Variants in ASIC2 observed in about 807,000 individuals in gnomAD.
ASIC2 encodes acid-sensing ion channel 2.
A neutral mutation model predicts 57.3 loss-of-function variants in ASIC2; 25 were observed. The observed-to-expected ratio is 0.44, with a 90% CI of 0.32 to 0.61. ASIC2 has a LOEUF of 0.61. Among genes scored for constraint, ASIC2 ranks in the 20% least tolerant of loss-of-function variants. ASIC2 has a pLI of 0.06. For missense variants in ASIC2, 641 were observed against 738.1 expected, an observed-to-expected ratio of 0.87 and a Z score of 1.52; for synonymous variants, 319 against 307.5, an observed-to-expected ratio of 1.04 and a Z score of -0.39.
chr17:33,850,807 C>T (rs976066014), intron 1 of ASIC2, among the ~76,000 whole-genome samples: 6 of 151,798 alleles, frequency 4.0e-5, no homozygotes, highest in Middle Eastern at 3.4e-3. Context: ...TTAGGTCATT[C>T]GGTCACTTAA....
chr17:33,409,535 C>A (rs1158177996), intron 1 of ASIC2, among the ~76,000 whole-genome samples: 1 of 152,224 alleles, frequency 6.6e-6, no homozygotes, highest in African/African-American at 2.4e-5. Flanking sequence ...TGGCATCAGC[C>A]TTGTCTCAGT....
intron 1 of ASIC2, among the ~76,000 whole-genome samples, chr17:33,757,712 G>T (rs75950210): frequency 0.012 from 1,786 of 152,230 alleles, 35 homozygotes; most frequent in African/African-American, 0.039. Flanking sequence ...CTGCTCTCAG[G>T]ATCCACAGTT....
chr17:33,974,025 T>C (rs945273297), intron 1 of ASIC2, among the ~76,000 whole-genome samples: 2 of 152,174 alleles, frequency 1.3e-5, no homozygotes, highest in African/African-American at 4.8e-5. Flanking sequence ...ATTTCCTGCC[T>C]TTTTCCGTCC....
chr17:34,152,284 G>C (rs1904556369), intron 1 of ASIC2, among the ~76,000 whole-genome samples: 1 of 152,178 alleles, frequency 6.6e-6, no homozygotes, highest in Non-Finnish European at 1.5e-5. Flanking sequence ...AGTAGGTTAA[G>C]TATGAAACTG....
At position 33,170,708 on chromosome 17, in the gene ASIC2, T is replaced by C. The variant is rs138270390; in HGVS notation, c.709-58641A>G. 5.9e-5 allele frequency among the ~76,000 whole-genome samples: 9 copies of C among 152,306 alleles called. No individual in the cohort carries two copies. In the East Asian group the frequency reaches 1.7e-3, roughly 29 times the overall value. On this transcript the variant is annotated intron_variant, in intron 1 of 9. Coordinates refer to ENST00000225823, the MANE Select transcript of ASIC2 (RefSeq NM_183377.2). ...CAGCAGGACAGAGCATGAGAACTTC[T>C]TTCATCAAGGGCTTCAAAGATCTTA...
chr17:33,041,412 C>T (rs1295797347), intron 3 of ASIC2, among the ~76,000 whole-genome samples: 3 of 152,180 alleles, frequency 2.0e-5, no homozygotes, highest in Non-Finnish European at 4.4e-5. Context: ...TTGCCATCCT[C>T]CTCTCAGAAC....
chr17:33,573,899 C>T (rs1196332268), intron 1 of ASIC2, among the ~76,000 whole-genome samples: 2 of 152,212 alleles, frequency 1.3e-5, no homozygotes, highest in Non-Finnish European at 2.9e-5. Context: ...AGCAAAAGTA[C>T]TATCTTCAGA....
intron 1 of ASIC2, among the ~76,000 whole-genome samples, chr17:33,157,124 C>A (rs550263621): frequency 3.7e-4 from 56 of 152,156 alleles, no homozygotes; most frequent in African/African-American, 1.1e-3. Flanking sequence ...GGCAAAAAAA[C>A]CCCCAGCACT....
At chr17:34,082,816 A>G (rs2142080165) in intron 1 of ASIC2, among the ~76,000 whole-genome samples, 1 of 152,336 alleles carries the variant, frequency 6.6e-6, no homozygotes, top group South Asian at 2.1e-4. Flanking sequence ...GGTCACCGTG[A>G]TGGTAAAGTA....
At position 33,111,917 on chromosome 17, in the gene ASIC2, C is replaced by T; in HGVS notation, c.859G>A (p.Glu287Lys). 5.6e-6 allele frequency: 9 copies of T among 1,610,666 alleles called. No individual in the cohort carries two copies. The highest frequency in any genetic ancestry group is 6.8e-6 in the Non-Finnish European group (8 of 1,178,422). Reference sequence around the variant, plus strand: ...TGCCCGGTCCCTGTGCCCAGCTCACCTGTCTCTCCCCAGATGGGCAGGTAC... The same window carrying T: ...TGCCCGGTCCCTGTGCCCAGCTCACTTGTCTCTCCCCAGATGGGCAGGTAC... The part of the protein sequence containing the change: ...DEYLPIWGET[E>K]ETTFEAGVKV... Residue 287 changes from glutamate to lysine, a missense_variant and splice_region_variant, in exon 2 of 10, where the codon GAG (glutamate) becomes AAG (lysine). By Grantham distance (56) the Glu-to-Lys change is moderately conservative. Coordinates refer to ENST00000225823, the MANE Select transcript of ASIC2 (RefSeq NM_183377.2).
chr17:33,355,196 G>T (rs559248559), intron 1 of ASIC2, among the ~76,000 whole-genome samples: 6 of 152,324 alleles, frequency 3.9e-5, no homozygotes, highest in Admixed American at 3.9e-4. Flanking sequence ...AGCTGGGTGT[G>T]GTGGCATGTG....
intron 1 of ASIC2, among the ~76,000 whole-genome samples, chr17:33,387,050 G>T (rs79683797): frequency 0.012 from 1,840 of 152,142 alleles, 35 homozygotes; most frequent in African/African-American, 0.041. Context: ...ACCAAGCCCG[G>T]CTAATTTTTG....
At chr17:33,495,711 G>A (rs1487033540) in intron 1 of ASIC2, among the ~76,000 whole-genome samples, 1 of 152,166 alleles carries the variant, frequency 6.6e-6, no homozygotes, top group African/African-American at 2.4e-5. Context: ...CAGGGTAATG[G>A]GGGAGACACC....
chr17:33,414,829 A>T (rs1910783876), intron 1 of ASIC2, among the ~76,000 whole-genome samples: 1 of 152,214 alleles, frequency 6.6e-6, no homozygotes, highest in Admixed American at 6.5e-5. Context: ...AGATATGCAG[A>T]TCAAACAGGT....
intron 1 of ASIC2, among the ~76,000 whole-genome samples, chr17:33,528,710 C>T (rs1914962457): frequency 6.6e-6 from 1 of 152,214 alleles, no homozygotes; most frequent in Non-Finnish European, 1.5e-5. Flanking sequence ...GGCCTCCCTT[C>T]CATCTACATC....
Position 34,156,458 on chromosome 17 carries a change from G to T in ASIC2, c.75C>A (p.Thr25=). 1 of 1,614,080 alleles carries T rather than the reference G, an allele frequency of 6.2e-7. No homozygotes were observed. Among genetic ancestry groups the T allele is most frequent in the Middle Eastern group, 1.6e-4 (1 of 6,062 alleles). ...CGAAGATGTGGCGGATGCCATGGAG[G>T]GTGGAGGTGTTGGCAAAGATCTGGA... is the stretch of plus-strand genomic sequence containing the variant. Residue 25 remains threonine (T), a synonymous_variant, in exon 1 of 10, where the codon ACC becomes ACA. Coordinates refer to the ASIC2 transcript ENST00000359872. This position sits in a 1 kb window ranked among gnomAD's most constrained non-coding sequence, Gnocchi z 4.4.
chr17:33,306,715 G>T (rs935832141), intron 1 of ASIC2, among the ~76,000 whole-genome samples: 1 of 152,040 alleles, frequency 6.6e-6, no homozygotes, highest in East Asian at 1.9e-4. Flanking sequence ...TGGGCTCCTT[G>T]TCTTTGATTT....
intron 1 of ASIC2, among the ~76,000 whole-genome samples, chr17:33,379,578 C>T (rs1185534440): frequency 6.6e-6 from 1 of 152,180 alleles, no homozygotes; most frequent in African/African-American, 2.4e-5. Context: ...ACACCTTTTG[C>T]CTCCCTCTCG....
chr17:33,658,705 G>T (rs1032736629), intron 1 of ASIC2, among the ~76,000 whole-genome samples: 1 of 152,152 alleles, frequency 6.6e-6, no homozygotes, highest in East Asian at 1.9e-4. Flanking sequence ...TCTCCTAAAG[G>T]CCCCACCTTG....
Sources: gnomAD v4.1 joint callset for allele counts (sites outside exome capture counted in the v4.1 genomes callset) on GRCh38, gnomAD v4.1.1 for gene constraint, Gnocchi (gnomAD v3.1) non-coding constraint, MANE v1.5 for transcripts, NCBI Gene and HGNC (gene_info 2026-07-23, HGNC 2026-07-21) for gene names.